The following BFSP2 variants were observed in gnomAD, a reference collection of about 807,000 sequenced individuals.
BFSP2 encodes beaded filament structural protein 2, also known as phakinin.
A neutral mutation model predicts 44.9 loss-of-function variants in BFSP2; 38 were observed. That is an observed-to-expected ratio of 0.85 (90% CI 0.65 to 1.11). The LOEUF is 1.11. Among genes scored for constraint, BFSP2 ranks in the 50% least tolerant of loss-of-function variants. The probability of loss-of-function intolerance (pLI) is 0.00; values close to 1 mark genes in which losing one functional copy is unlikely to be tolerated. For missense variants in BFSP2, 525 were observed against 533.0 expected (o/e 0.99, Z 0.15); for synonymous variants, 197 against 209.9 (o/e 0.94, Z 0.53).
chr3:133,460,894 C>T lies in BFSP2; in HGVS notation c.892-5934C>T, dbSNP rs557128620. 3.3e-5 allele frequency among the ~76,000 whole-genome samples: 5 copies of T among 152,350 alleles called. No homozygotes were observed. The South Asian group carries it at 1.0e-3, about 32-fold the overall frequency. On this transcript the variant is annotated intron_variant, in intron 4 of 6. Transcript: ENST00000302334. Reference sequence around the variant, plus strand: ...ATCACCAGTTGCAAAAACCAGAGTGCTCGAGTGACTTGCTCAAACCTGCAC... The same window carrying T: ...ATCACCAGTTGCAAAAACCAGAGTGTTCGAGTGACTTGCTCAAACCTGCAC...
chr3:133,466,047 G>T (rs528574096), intron 4 of BFSP2, among the ~76,000 whole-genome samples: 1 of 152,104 alleles, frequency 6.6e-6, no homozygotes, highest in Non-Finnish European at 1.5e-5. Flanking sequence ...TATTAGGTTG[G>T]TGCAAAATTA....
intron 1 of BFSP2, among the ~76,000 whole-genome samples, chr3:133,431,597 G>A (rs1385486979): frequency 1.3e-5 from 2 of 152,206 alleles, no homozygotes; most frequent in African/African-American, 2.4e-5. Context: ...GCTGAAGACT[G>A]ATGCTGCCCG....
At chr3:133,428,121 T>G (rs1038567003) in intron 1 of BFSP2, among the ~76,000 whole-genome samples, 5 of 152,204 alleles carry the variant, frequency 3.3e-5, no homozygotes, top group Admixed American at 2.6e-4. Context: ...CAAAACAGTT[T>G]GACCTTGAGG....
At chr3:133,430,097 A>G (rs1160368230) in intron 1 of BFSP2, among the ~76,000 whole-genome samples, 5 of 149,974 alleles carry the variant, frequency 3.3e-5, no homozygotes, top group Admixed American at 2.0e-4. Flanking sequence ...ATCCTTTTTT[A>G]TGGCTGCATA....
intron 1 of BFSP2, chr3:133,445,657 A>G (rs965043922): frequency 6.6e-6 from 1 of 152,204 alleles, no homozygotes; most frequent in Non-Finnish European, 1.5e-5. Flanking sequence ...ATTATTTTCT[A>G]AATAACACAA....
intron 4 of BFSP2, among the ~76,000 whole-genome samples, chr3:133,451,112 A>AAAC (rs1330275263): frequency 4.2e-5 from 6 of 143,354 alleles, no homozygotes. Flanking sequence ...CTCTGTCTCA[A>AAAC]AAAAAAAAAA....
chr3:133,460,925 C>T (rs1469728997), intron 4 of BFSP2, among the ~76,000 whole-genome samples: 2 of 152,212 alleles, frequency 1.3e-5, no homozygotes. Flanking sequence ...TGCACAGCAA[C>T]TGCTTAGTGA....
intron 1 of BFSP2, among the ~76,000 whole-genome samples, chr3:133,401,864 C>T (rs1384657542): frequency 6.6e-6 from 1 of 152,106 alleles, no homozygotes; most frequent in East Asian, 1.9e-4. Flanking sequence ...TCCTGCCTCC[C>T]ACTTCATCCC....
At chr3:133,445,988 C>G (rs919590412) in intron 1 of BFSP2, among the ~76,000 whole-genome samples, 7 of 152,108 alleles carry the variant, frequency 4.6e-5, no homozygotes, top group Admixed American at 3.3e-4. Flanking sequence ...CTTTATCAAC[C>G]AGAAGGAGAA....
intron 6 of BFSP2, among the ~76,000 whole-genome samples, chr3:133,473,032 A>T (rs1437045002): frequency 2.0e-5 from 3 of 151,040 alleles, no homozygotes; most frequent in African/African-American, 4.9e-5. Flanking sequence ...GGCTCAAGTG[A>T]TCCTCTCACC....
intron 1 of BFSP2, among the ~76,000 whole-genome samples, chr3:133,413,508 G>A (rs1335560429): frequency 2.6e-5 from 4 of 152,100 alleles, no homozygotes; most frequent in African/African-American, 9.7e-5. Flanking sequence ...TGAAAGAATG[G>A]CTGAACCAAG....
chr3:133,414,730 A>G, intron 1 of BFSP2, among the ~76,000 whole-genome samples: 2 of 86,276 alleles, frequency 2.3e-5, no homozygotes, highest in Admixed American at 1.2e-4. Flanking sequence ...CCCTCTACTT[A>G]CCCCTGCCAT....
chr3:133,424,919 C>A (rs1170634423), intron 1 of BFSP2, among the ~76,000 whole-genome samples: 1 of 152,250 alleles, frequency 6.6e-6, no homozygotes, highest in Non-Finnish European at 1.5e-5. Context: ...CAGGCGTGAG[C>A]CACCATGCCT....
At chr3:133,447,288 G>C (rs757320472) in intron 1 of BFSP2, 29 bp from the exon 2 acceptor site, 1 of 1,612,838 alleles carries the variant, frequency 6.2e-7, no homozygotes, top group Admixed American at 1.7e-5. Flanking sequence ...CAGTGACCTT[G>C]TCTCCTTTGG....
At chr3:133,430,533 T>C (rs4408871) in intron 1 of BFSP2, among the ~76,000 whole-genome samples, 81,156 of 152,014 alleles carry the variant, frequency 0.53, 24,366 homozygotes, top group East Asian at 0.75. Flanking sequence ...CCCCAATACA[T>C]ACTCGACAGT....
chr3:133,441,692 C>T (rs1463415846), intron 1 of BFSP2, among the ~76,000 whole-genome samples: 2 of 152,164 alleles, frequency 1.3e-5, no homozygotes, highest in African/African-American at 2.4e-5. Flanking sequence ...CTGTACCAGA[C>T]ACTGTGCTAG....
intron 4 of BFSP2, among the ~76,000 whole-genome samples, chr3:133,453,563 C>T (rs1373539279): frequency 1.3e-5 from 2 of 152,108 alleles, no homozygotes; most frequent in African/African-American, 4.8e-5. Context: ...GGGAGACTGA[C>T]GTGTAAACCA....
intron 1 of BFSP2, among the ~76,000 whole-genome samples, chr3:133,409,164 A>C (rs1372929692): frequency 6.6e-6 from 1 of 152,102 alleles, no homozygotes; most frequent in Non-Finnish European, 1.5e-5. Context: ...AACAGAAAAA[A>C]ACCCAACAAT....
chr3:133,418,765 G>A (rs895891153), intron 1 of BFSP2, among the ~76,000 whole-genome samples: 6 of 151,914 alleles, frequency 3.9e-5, no homozygotes, highest in Non-Finnish European at 5.9e-5. Context: ...ATTTACTTCC[G>A]TAAGACTCAT....
Sources: gnomAD v4.1 joint callset for allele counts (sites outside exome capture counted in the v4.1 genomes callset) on GRCh38, gnomAD v4.1.1 for gene constraint, MANE v1.5 for transcripts, NCBI Gene and HGNC (gene_info 2026-07-23, HGNC 2026-07-21) for gene names.